AGMO: variants seen among roughly 807,000 people sequenced by gnomAD.
AGMO encodes the protein alkylglycerol monooxygenase, also known as glyceryl-ether monooxygenase.
In AGMO, 75 loss-of-function variants were observed where a neutral mutation model predicts 60.2. The observed-to-expected ratio is 1.25, with a 90% confidence interval of 1.03 to 1.51. The LOEUF (loss-of-function observed/expected upper bound fraction) is 1.51, where lower values mean the gene tolerates loss of function less well. Among genes scored for constraint, AGMO ranks in the 40% most tolerant of loss-of-function variants. The pLI, the probability that AGMO is intolerant of heterozygous loss-of-function variation, is 0.00. For synonymous variants in AGMO, 261 were observed against 177.1 expected, an observed-to-expected ratio of 1.47 and a Z score of -3.76; for missense variants, 763 against 525.5, an observed-to-expected ratio of 1.45 and a Z score of -4.42.
chr7:15,350,192 C>T (rs1210637923), intron 12 of AGMO, among the ~76,000 whole-genome samples: 1 of 152,030 alleles, frequency 6.6e-6, no homozygotes. Context: ...AAGGATAGAC[C>T]AATCCAGTGT....
the AGMO span, among the ~76,000 whole-genome samples, chr7:15,133,403 G>C: frequency 1.3e-5 from 2 of 152,108 alleles, no homozygotes; most frequent in Admixed American, 1.3e-4. Flanking sequence ...TGCTGAAATG[G>C]TTTCAGTTGA....
chr7:15,351,841 G>A (rs1475514152), intron 12 of AGMO, among the ~76,000 whole-genome samples: 1 of 152,110 alleles, frequency 6.6e-6, no homozygotes, highest in East Asian at 1.9e-4. Flanking sequence ...CTGTTTAAAT[G>A]AATCATTGAG....
chr7:15,359,572 A>G (rs1782675634), intron 12 of AGMO, among the ~76,000 whole-genome samples: 2 of 152,194 alleles, frequency 1.3e-5, no homozygotes, highest in Non-Finnish European at 2.9e-5. Context: ...CTTAAATATG[A>G]GTCCAATGAA....
intron 3 of AGMO, among the ~76,000 whole-genome samples, chr7:15,544,532 C>CT (rs1417530192): frequency 6.6e-6 from 1 of 151,978 alleles, no homozygotes; most frequent in Non-Finnish European, 1.5e-5. Flanking sequence ...ACTTTCTAAT[C>CT]TTTTTTAAAA....
At chr7:15,249,238 T>A (rs973471706) in intron 12 of AGMO, among the ~76,000 whole-genome samples, 1 of 152,146 alleles carries the variant, frequency 6.6e-6, no homozygotes, top group South Asian at 2.1e-4. Flanking sequence ...ACTTTAAGGA[T>A]AGAATATTAG....
At chr7:15,290,393 A>T (rs1481695503) in intron 12 of AGMO, among the ~76,000 whole-genome samples, 1 of 152,032 alleles carries the variant, frequency 6.6e-6, no homozygotes, top group Non-Finnish European at 1.5e-5. Flanking sequence ...AGCATAGAAA[A>T]TTTTCTAGGA....
intron 12 of AGMO, among the ~76,000 whole-genome samples, chr7:15,304,073 T>C (rs112212076): frequency 6.6e-6 from 1 of 152,144 alleles, no homozygotes; most frequent in African/African-American, 2.4e-5. Flanking sequence ...CATATAACAA[T>C]GCCACGTCAA....
chr7:15,381,269 C>T (rs368893550), intron 10 of AGMO, among the ~76,000 whole-genome samples: 4 of 152,026 alleles, frequency 2.6e-5, no homozygotes, highest in Admixed American at 6.6e-5. Context: ...AAAAGTTTTG[C>T]AAACTATGCA....
intron 10 of AGMO, among the ~76,000 whole-genome samples, chr7:15,372,689 T>C (rs1284584245): frequency 1.3e-5 from 2 of 152,196 alleles, no homozygotes; most frequent in Non-Finnish European, 1.5e-5. Context: ...GTCTCCTGTG[T>C]TTTAAACAAT....
chr7:15,172,821 C>G, the AGMO span, among the ~76,000 whole-genome samples: 1 of 152,184 alleles, frequency 6.6e-6, no homozygotes, highest in South Asian at 2.1e-4. Flanking sequence ...GTGGGGAGAG[C>G]TCATGGAAGA....
intron 12 of AGMO, among the ~76,000 whole-genome samples, chr7:15,243,948 C>T (rs992448114): frequency 2.0e-5 from 3 of 152,088 alleles, no homozygotes; most frequent in Non-Finnish European, 4.4e-5. Context: ...GAATGATCTT[C>T]CCCTGTATTT....
At chr7:15,508,858 T>A (rs566097647) in intron 3 of AGMO, among the ~76,000 whole-genome samples, 37 of 152,300 alleles carry the variant, frequency 2.4e-4, no homozygotes, top group Admixed American at 2.1e-3. Flanking sequence ...AAATATACCA[T>A]AATACATTCC....
intron 5 of AGMO, among the ~76,000 whole-genome samples, chr7:15,398,899 G>T (rs1784478792): frequency 6.6e-6 from 1 of 152,068 alleles, no homozygotes; most frequent in African/African-American, 2.4e-5. Context: ...TCCGATTTCA[G>T]CTCATGAATC....
chr7:15,156,087 T>TG, the AGMO span, among the ~76,000 whole-genome samples: 1 of 151,812 alleles, frequency 6.6e-6, no homozygotes, highest in Non-Finnish European at 1.5e-5. Flanking sequence ...CAGTGAGGGG[T>TG]GGGGGGTCCT....
chr7:15,560,769 T>A (rs1313526120), intron 1 of AGMO, among the ~76,000 whole-genome samples: 1 of 152,156 alleles, frequency 6.6e-6, no homozygotes, highest in Non-Finnish European at 1.5e-5. Flanking sequence ...AATATGGTAA[T>A]TTTACATGTT....
chr7:15,313,016 T>C (rs1006671720), intron 12 of AGMO, among the ~76,000 whole-genome samples: 3 of 152,028 alleles, frequency 2.0e-5, no homozygotes, highest in Admixed American at 1.3e-4. Flanking sequence ...TGATCTAATA[T>C]ACAAGGTCAG....
intron 5 of AGMO, among the ~76,000 whole-genome samples, chr7:15,399,247 T>C (rs1784490869): frequency 6.6e-6 from 1 of 152,154 alleles, no homozygotes; most frequent in South Asian, 2.1e-4. Flanking sequence ...CCTGAAGTTT[T>C]AGATGAAATT....
chr7:15,203,856 T>A (rs1038846636), intron 12 of AGMO, among the ~76,000 whole-genome samples: 1 of 152,196 alleles, frequency 6.6e-6, no homozygotes, highest in Non-Finnish European at 1.5e-5. Flanking sequence ...TCAAAGAATA[T>A]GAACATCCAT....
At chr7:15,202,307 G>A (rs1014320186) in intron 12 of AGMO, among the ~76,000 whole-genome samples, 3 of 151,834 alleles carry the variant, frequency 2.0e-5, no homozygotes, top group Non-Finnish European at 4.4e-5. Context: ...ATGAAGGCAT[G>A]GGAGCATTCT....
Sources: allele counts gnomAD v4.1 joint callset (sites outside exome capture counted in the v4.1 genomes callset), GRCh38; gene constraint gnomAD v4.1.1; transcripts MANE v1.5; gene names NCBI Gene and HGNC (gene_info 2026-07-23, HGNC 2026-07-21).